Variants in TTLL13 observed in about 807,000 individuals in gnomAD.
TTLL13 encodes tubulin polyglutamylase TTLL13.
At chr15:90,262,209 C>T in the TTLL13 span, 1 of 1,515,704 alleles carries the variant, frequency 6.6e-7, no homozygotes, top group Middle Eastern at 1.7e-4. Context: ...GACCGACATT[C>T]TCCTCTGCAC....
the TTLL13 span, among the ~76,000 whole-genome samples, chr15:90,260,154 C>G: frequency 6.6e-6 from 1 of 152,132 alleles, no homozygotes; most frequent in African/African-American, 2.4e-5. Flanking sequence ...CAGTACTGGA[C>G]TAAATAAACA....
the TTLL13 span, chr15:90,264,149 C>T: frequency 2.7e-6 from 2 of 749,038 alleles, no homozygotes; most frequent in South Asian, 1.8e-5. Context: ...TATAATATGG[C>T]ACTTCCACCA....
the TTLL13 span, chr15:90,263,266 G>A: frequency 2.2e-6 from 2 of 889,138 alleles, no homozygotes; most frequent in Non-Finnish European, 3.3e-6. Flanking sequence ...GCCTGGGAAA[G>A]CAGAGTGCGC....
At chr15:90,255,995 A>G in the TTLL13 span, 23 of 1,573,812 alleles carry the variant, frequency 1.5e-5, no homozygotes, top group Middle Eastern at 1.8e-4. Flanking sequence ...AAGTGGAATG[A>G]GAAAGTTTCA....
chr15:90,259,745 AG>A, the TTLL13 span, among the ~76,000 whole-genome samples: 1 of 152,272 alleles, frequency 6.6e-6, no homozygotes, highest in African/African-American at 2.4e-5. Flanking sequence ...TTTGTCATAA[AG>A]AAACACAGAA....
the TTLL13 span, among the ~76,000 whole-genome samples, chr15:90,261,179 A>G: frequency 6.6e-6 from 1 of 151,224 alleles, no homozygotes; most frequent in Non-Finnish European, 1.5e-5. Context: ...CCTGGGTTCA[A>G]AAAATTTTCC....
At chr15:90,262,975 G>A in the TTLL13 span, 1 of 1,535,578 alleles carries the variant, frequency 6.5e-7, no homozygotes, top group Non-Finnish European at 8.7e-7. Flanking sequence ...GCTGCTGCCG[G>A]GACAGCTGGA....
the TTLL13 span, chr15:90,258,141 C>T: frequency 1.9e-6 from 3 of 1,614,118 alleles, no homozygotes; most frequent in Non-Finnish European, 2.5e-6. Flanking sequence ...CATCTCAGCC[C>T]ATTCTGTTCT....
At chr15:90,250,374 T>A in the TTLL13 span, among the ~76,000 whole-genome samples, 1 of 152,202 alleles carries the variant, frequency 6.6e-6, no homozygotes, top group Non-Finnish European at 1.5e-5. Flanking sequence ...TATGATCCAG[T>A]GTGAACCTGG....
At chr15:90,253,617 A>T in the TTLL13 span, among the ~76,000 whole-genome samples, 1 of 152,138 alleles carries the variant, frequency 6.6e-6, no homozygotes, top group Non-Finnish European at 1.5e-5. Context: ...GCTTGGTGGC[A>T]TCTGTGTGTA....
the TTLL13 span, chr15:90,257,934 CA>C: frequency 8.4e-7 from 1 of 1,184,006 alleles, no homozygotes; most frequent in Non-Finnish European, 1.2e-6. Context: ...AGCAGCCCTT[CA>C]AAGCCCGGGC....
At chr15:90,263,830 C>T in the TTLL13 span, 3 of 740,130 alleles carry the variant, frequency 4.1e-6, no homozygotes, top group Middle Eastern at 4.5e-4. Flanking sequence ...TGCCACAGAG[C>T]AGGGCGCTCC....
chr15:90,255,955 T>A, the TTLL13 span: 4 of 1,607,880 alleles, frequency 2.5e-6, no homozygotes, highest in East Asian at 4.5e-5. Flanking sequence ...AGCTCTGGTC[T>A]TGTGACCTAG....
chr15:90,252,021 GCACCACTATGCT>G, the TTLL13 span, among the ~76,000 whole-genome samples: 1 of 148,586 alleles, frequency 6.7e-6, no homozygotes, highest in Admixed American at 6.9e-5. Flanking sequence ...CTACAGGCCT[GCACCACTATGCT>G]CACCTAATTC....
chr15:90,251,723 T>C, the TTLL13 span: 2 of 918,776 alleles, frequency 2.2e-6, no homozygotes, highest in East Asian at 2.5e-5. Context: ...CTCTAACCTG[T>C]ACTGAGCTTC....
the TTLL13 span, chr15:90,257,275 C>T: frequency 3.7e-6 from 6 of 1,611,398 alleles, no homozygotes; most frequent in Admixed American, 8.5e-5. Flanking sequence ...CCAGCCATAA[C>T]AACCTGGTAA....
the TTLL13 span, chr15:90,257,299 C>T: frequency 6.2e-7 from 1 of 1,600,142 alleles, no homozygotes; most frequent in Non-Finnish European, 8.5e-7. Context: ...GACTGGGAAG[C>T]ACTCTTCTTT....
the TTLL13 span, chr15:90,263,483 C>A: frequency 2.0e-6 from 1 of 495,220 alleles, no homozygotes; most frequent in South Asian, 3.5e-5. Context: ...GTATAATTTT[C>A]TCCCTAGCAC....
At chr15:90,253,742 A>C in the TTLL13 span, among the ~76,000 whole-genome samples, 1 of 152,212 alleles carries the variant, frequency 6.6e-6, no homozygotes, top group Non-Finnish European at 1.5e-5. Context: ...TTAGTTTAGC[A>C]TTCCACATCC....
Sources: gnomAD v4.1 joint callset for allele counts (sites outside exome capture counted in the v4.1 genomes callset) on GRCh38, gnomAD v4.1.1 for gene constraint, MANE v1.5 for transcripts, NCBI Gene and HGNC (gene_info 2026-07-23, HGNC 2026-07-21) for gene names.